The following RAB40B variants were observed in gnomAD, a reference collection of about 807,000 sequenced individuals.
RAB40B encodes RAB40B, member RAS oncogene family.
A neutral mutation model predicts 24.0 loss-of-function variants in RAB40B; 21 were observed. The observed-to-expected ratio is 0.88, with a 90% CI of 0.62 to 1.26. RAB40B has a LOEUF of 1.26. Among genes scored for constraint, RAB40B ranks in the 50% most tolerant of loss-of-function variants. The pLI is 0.00. For missense variants in RAB40B, 348 were observed against 390.5 expected (o/e 0.89, Z 0.92); for synonymous variants, 167 against 169.8 (o/e 0.98, Z 0.13).
In RAB40B at chr17:82,675,357, G is replaced by A. The variant is rs2046384762; in HGVS notation, c.143-10801C>T. On this transcript the variant is annotated intron_variant, in intron 1 of 5. Coordinates refer to ENST00000571995, the MANE Select transcript of RAB40B (RefSeq NM_006822.3). The surrounding 1 kb of genome is among the most constrained non-coding windows in gnomAD (Gnocchi z 4.5). ...CCTGGCAAATGACCAGCTTTGAAAGGACAATGACAGCCGCCTGTCTGACGT... is the reference window on the plus strand; with the variant it reads ...CCTGGCAAATGACCAGCTTTGAAAGAACAATGACAGCCGCCTGTCTGACGT... Among the ~76,000 whole-genome samples the A allele has an allele frequency of 6.6e-6, 1 of 152,178 alleles. No homozygotes were observed.
At chr17:82,671,408 A>C (rs2046332249) in intron 1 of RAB40B, among the ~76,000 whole-genome samples, 1 of 132,550 alleles carries the variant, frequency 7.5e-6, no homozygotes, top group Admixed American at 7.7e-5. Context: ...GACACACTTC[A>C]CCCTGTAACT....
chr17:82,687,168 G>C (rs2046511375), intron 1 of RAB40B, among the ~76,000 whole-genome samples: 1 of 152,150 alleles, frequency 6.6e-6, no homozygotes, highest in Admixed American at 6.5e-5. Context: ...GAACCCGTGA[G>C]TGTACCACAG....
chr17:82,658,193 G>A lies in RAB40B; in HGVS notation c.566-59C>T, dbSNP rs1200141951. The A allele has an allele frequency of 1.0e-5, 16 of 1,571,744 alleles. No homozygotes were observed. In the Admixed American group the frequency reaches 2.8e-4, roughly 27 times the overall value. ...ATGTCCCCACCTGGGCTGGGAATGA[G>A]GGGTGGTGCCCACACCTGTTCTCCC... On this transcript the variant is annotated intron_variant, in intron 5 of 5. Transcript: ENST00000571995.
At position 82,697,658 on chromosome 17, in the gene RAB40B, T is replaced by G. The variant is rs1345743040; in HGVS notation, c.142+797A>C. Among the ~76,000 whole-genome samples, 1 of 152,210 alleles carries G rather than the reference T, an allele frequency of 6.6e-6. No individual in the cohort carries two copies. Among genetic ancestry groups the G allele is most frequent in the Non-Finnish European group, 1.5e-5 (1 of 68,036 alleles). On this transcript the variant is annotated intron_variant, in intron 1 of 5. Transcript: ENST00000571995. This position sits in a 1 kb window ranked among gnomAD's most constrained non-coding sequence, Gnocchi z 4.9. ...CTCACTCCCAGCCGAGGTGTTCGCCTCTGCGCGTTCCCCCTTCTCCTGGGT... is the reference window on the plus strand; with the variant it reads ...CTCACTCCCAGCCGAGGTGTTCGCCGCTGCGCGTTCCCCCTTCTCCTGGGT...
Position 82,655,262 on chromosome 17 carries a change from G to A in RAB40B, c.*2601C>T, listed in dbSNP as rs952014932. The A allele has an allele frequency of 7.2e-5, 11 of 152,110 alleles. No homozygotes were observed. The highest frequency in any genetic ancestry group is 1.3e-4 in the Admixed American group (2 of 15,270). The allele number at this position is 152,110 out of a possible 1,614,324, so 9.4% of individuals were successfully genotyped here. On this transcript the variant is annotated 3_prime_UTR_variant, in exon 6 of 6. Coordinates refer to ENST00000571995, the MANE Select transcript of RAB40B (RefSeq NM_006822.3). ...GGCTGTGCTCCCTCTGGGAGATCTC[G>A]GGGAGCCTCCTTGCTACATGTTCCG...
chr17:82,686,843 G>A (rs1419053289), intron 1 of RAB40B, among the ~76,000 whole-genome samples: 5 of 152,130 alleles, frequency 3.3e-5, no homozygotes, highest in Non-Finnish European at 7.4e-5. Flanking sequence ...CTTCCTCCAC[G>A]TTCCTCCCGT....
chr17:82,669,311 G>A (rs2046303412), intron 1 of RAB40B, among the ~76,000 whole-genome samples: 1 of 152,008 alleles, frequency 6.6e-6, no homozygotes, highest in Admixed American at 6.6e-5. Context: ...CCTTGTCTCT[G>A]CTAAAAATAC....
chr17:82,676,258 G>C (rs1377729350), intron 1 of RAB40B, among the ~76,000 whole-genome samples: 3 of 130,752 alleles, frequency 2.3e-5, no homozygotes. Context: ...ACCTTCAACA[G>C]CATCTCCCCC....
In RAB40B at chr17:82,665,200, A is replaced by G. The variant is rs113984001; in HGVS notation, c.143-644T>C. Among the ~76,000 whole-genome samples the G allele has an allele frequency of 8.9e-3, 1,345 of 150,356 alleles. 10 individuals are homozygous for G. Among genetic ancestry groups the G allele is most frequent in the South Asian group, 0.031 (146 of 4,770 alleles). On this transcript the variant is annotated intron_variant, in intron 1 of 5. Coordinates refer to ENST00000571995, the MANE Select transcript of RAB40B (RefSeq NM_006822.3). ...GCTGGAACCTTCTTTCCACATTTCT[A>G]TTTTTTCAAGTTAAAAACAAACAAA...
At chr17:82,683,563 T>C (rs181585543) in intron 1 of RAB40B, among the ~76,000 whole-genome samples, 51 of 151,814 alleles carry the variant, frequency 3.4e-4, no homozygotes, top group Middle Eastern at 3.5e-3. Flanking sequence ...CGAGGTAGGA[T>C]GATCTCTTGA....
intron 1 of RAB40B, among the ~76,000 whole-genome samples, chr17:82,691,548 A>G (rs936960574): frequency 2.6e-5 from 4 of 152,028 alleles, no homozygotes; most frequent in African/African-American, 4.8e-5. Context: ...TTAGCCGGGC[A>G]TGGTACACCT....
intron 1 of RAB40B, among the ~76,000 whole-genome samples, chr17:82,677,030 G>A (rs2046401673): frequency 6.6e-6 from 1 of 151,132 alleles, no homozygotes; most frequent in South Asian, 2.1e-4. Context: ...CTCACCGCAA[G>A]CTCCACCTCC....
chr17:82,672,290 A>C (rs4789823), intron 1 of RAB40B, among the ~76,000 whole-genome samples: 3,942 of 6,740 alleles, frequency 0.58, 1,143 homozygotes, highest in Non-Finnish European at 0.67. Context: ...CTAACACACA[A>C]ACTCACACGC....
Position 82,663,423 on chromosome 17 carries a change from C to G in RAB40B, c.203+1073G>C, listed in dbSNP as rs1225249087. ...GCCCCAGGATGAGGCACCGCAGGAGCCCCCCATCCCCACCGCCCCAGAGCT... is the reference window on the plus strand; with the variant it reads ...GCCCCAGGATGAGGCACCGCAGGAGGCCCCCATCCCCACCGCCCCAGAGCT... On this transcript the variant is annotated intron_variant, in intron 2 of 5. Transcript: ENST00000571995. The surrounding 1 kb of genome is among the most constrained non-coding windows in gnomAD (Gnocchi z 6.2). 6.6e-6 allele frequency among the ~76,000 whole-genome samples: 1 copy of G among 151,986 alleles called. No homozygotes were observed. The highest frequency in any genetic ancestry group is 1.5e-5 in the Non-Finnish European group (1 of 67,930).
intron 1 of RAB40B, among the ~76,000 whole-genome samples, chr17:82,680,505 AT>A (rs1477151714): frequency 6.6e-6 from 1 of 152,236 alleles, no homozygotes; most frequent in Non-Finnish European, 1.5e-5. Flanking sequence ...GTTAAAAAAA[AT>A]ATCGCATATG....
chr17:82,666,648 G>A (rs927242089), intron 1 of RAB40B, among the ~76,000 whole-genome samples: 2 of 151,548 alleles, frequency 1.3e-5, no homozygotes, highest in East Asian at 1.9e-4. Flanking sequence ...CACTTCTAGC[G>A]CTTCCGGATG....
intron 1 of RAB40B, among the ~76,000 whole-genome samples, chr17:82,686,168 G>A (rs1442690917): frequency 6.9e-6 from 1 of 144,912 alleles, no homozygotes; most frequent in Non-Finnish European, 1.5e-5. Context: ...CTGGAGTGCA[G>A]TGGCACGATC....
chr17:82,658,075 C>T lies in RAB40B; in HGVS notation c.625G>A (p.Val209Met), dbSNP rs777052219. Reference protein sequence around the residue: ...AVVSCTPVHLVDKLPLPIALR... With the variant: ...AVVSCTPVHLMDKLPLPIALR... ...GCAATGGGGAGCGGGAGCTTGTCCACCAGGTGCACCGGCGTGCAGGACACG... is the reference window on the plus strand; with the variant it reads ...GCAATGGGGAGCGGGAGCTTGTCCATCAGGTGCACCGGCGTGCAGGACACG... The change falls in exon 6 of 6, where the codon GTG becomes ATG. Residue 209 changes from valine (V) to methionine (M), a missense_variant. Val to Met is a conservative substitution (Grantham distance 21, BLOSUM62 1). This residue lies in a region of RAB40B where 121 missense variants were observed against 124.0 expected (regional missense o/e 0.98). Transcript: ENST00000571995. 6.2e-7 allele frequency: 1 copy of T among 1,614,170 alleles called. No homozygotes were observed. Among genetic ancestry groups the T allele is most frequent in the South Asian group, 1.1e-5 (1 of 91,078 alleles).
chr17:82,674,637 T>TA (rs34107818), intron 1 of RAB40B, among the ~76,000 whole-genome samples: 3,182 of 143,680 alleles, frequency 0.022, 93 homozygotes, highest in African/African-American at 0.071. Context: ...AGACTCGTCT[T>TA]AAAAAAAAAA....
Sources: gnomAD v4.1 joint callset for allele counts (sites outside exome capture counted in the v4.1 genomes callset) on GRCh38, gnomAD v4.1.1 for gene constraint, gnomAD v4.1.1 regional missense constraint, Gnocchi (gnomAD v3.1) non-coding constraint, MANE v1.5 for transcripts, NCBI Gene and HGNC (gene_info 2026-07-23, HGNC 2026-07-21) for gene names.